The following CNTNAP2 variants were observed in gnomAD, a reference collection of about 807,000 sequenced individuals.
CNTNAP2 encodes the protein contactin-associated protein-like 2.
In CNTNAP2, 98 loss-of-function variants were observed where a neutral mutation model predicts 155.2. The ratio of observed to expected loss-of-function variants is 0.63; its 90% CI spans 0.54 to 0.75. CNTNAP2 has a LOEUF of 0.75. CNTNAP2 is among the 30% of genes least tolerant of loss of function. The probability of loss-of-function intolerance (pLI) is 0.00; values close to 1 mark genes in which losing one functional copy is unlikely to be tolerated. For synonymous variants in CNTNAP2, 651 were observed against 631.2 expected (o/e 1.03, Z -0.47); for missense variants, 1,727 against 1,688.1 (o/e 1.02, Z -0.40).
intron 13 of CNTNAP2, among the ~76,000 whole-genome samples, chr7:147,734,566 G>A (rs189850767): frequency 3.4e-4 from 52 of 152,240 alleles, no homozygotes; most frequent in African/African-American, 1.1e-3. Context: ...TTTTTCTATT[G>A]ATTGGAATAG....
chr7:146,203,124 TG>T (rs67419899), intron 1 of CNTNAP2, among the ~76,000 whole-genome samples: 3,305 of 152,274 alleles, frequency 0.022, 106 homozygotes, highest in African/African-American at 0.074. Context: ...CAAGTGAGCT[TG>T]GGTTTTCCCA....
chr7:148,364,114 G>A (rs952897038), intron 21 of CNTNAP2, among the ~76,000 whole-genome samples: 4 of 152,164 alleles, frequency 2.6e-5, no homozygotes, highest in African/African-American at 7.2e-5. Context: ...GCTCCTGTGC[G>A]GCCCGAGCCT....
chr7:147,003,385 A>T (rs549179974), intron 3 of CNTNAP2, among the ~76,000 whole-genome samples: 1 of 152,196 alleles, frequency 6.6e-6, no homozygotes, highest in South Asian at 2.1e-4. Context: ...ACAAAAAGCG[A>T]GAAAAAAATA....
chr7:146,670,689 A>G (rs1232469091), intron 1 of CNTNAP2, among the ~76,000 whole-genome samples: 1 of 152,050 alleles, frequency 6.6e-6, no homozygotes, highest in Non-Finnish European at 1.5e-5. Context: ...TGATCCCATC[A>G]CTCTCAATTA....
chr7:147,335,722 A>T (rs1795653410), intron 9 of CNTNAP2, among the ~76,000 whole-genome samples: 1 of 152,164 alleles, frequency 6.6e-6, no homozygotes, highest in South Asian at 2.1e-4. Flanking sequence ...TTTTCTTAGA[A>T]ATCAAACCCA....
At chr7:148,035,552 T>C (rs577481229) in intron 15 of CNTNAP2, among the ~76,000 whole-genome samples, 2 of 152,334 alleles carry the variant, frequency 1.3e-5, no homozygotes, top group African/African-American at 4.8e-5. Context: ...TATATGGTGC[T>C]TATTTTGTAG....
At chr7:147,477,524 C>T (rs968336353) in intron 10 of CNTNAP2, among the ~76,000 whole-genome samples, 1 of 152,224 alleles carries the variant, frequency 6.6e-6, no homozygotes, top group Admixed American at 6.5e-5. Flanking sequence ...CCTTTCCTGT[C>T]TATCCTGCAC....
chr7:147,570,820 T>A (rs1720425238), intron 12 of CNTNAP2, among the ~76,000 whole-genome samples: 1 of 152,238 alleles, frequency 6.6e-6, no homozygotes, highest in Non-Finnish European at 1.5e-5. Context: ...ACCGTGTGTA[T>A]GTGTATGTGC....
chr7:146,123,562 G>T (rs1346123724), intron 1 of CNTNAP2, among the ~76,000 whole-genome samples: 1 of 152,092 alleles, frequency 6.6e-6, no homozygotes, highest in Non-Finnish European at 1.5e-5. Flanking sequence ...GGAAGGATTT[G>T]TTCACCTCTA....
At chr7:147,060,427 T>C (rs774335048) in intron 4 of CNTNAP2, among the ~76,000 whole-genome samples, 4 of 152,146 alleles carry the variant, frequency 2.6e-5, no homozygotes, top group Non-Finnish European at 5.9e-5. Flanking sequence ...AGCAGTTTGA[T>C]TTCAAAATGT....
At chr7:147,867,329 A>T (rs1486654297) in intron 13 of CNTNAP2, among the ~76,000 whole-genome samples, 1 of 152,196 alleles carries the variant, frequency 6.6e-6, no homozygotes, top group African/African-American at 2.4e-5. Flanking sequence ...TGTTTGTCTG[A>T]TGGGCTTCCC....
intron 1 of CNTNAP2, among the ~76,000 whole-genome samples, chr7:146,440,810 T>A (rs991287951): frequency 4.0e-5 from 6 of 151,662 alleles, no homozygotes; most frequent in African/African-American, 1.5e-4. Context: ...CTGATTAAGT[T>A]ATAATTATTA....
chr7:146,728,431 C>T (rs1236025951), intron 1 of CNTNAP2, among the ~76,000 whole-genome samples: 1 of 152,052 alleles, frequency 6.6e-6, no homozygotes, highest in Non-Finnish European at 1.5e-5. Context: ...GTCATTGGCA[C>T]TTACTGGTTT....
At chr7:147,758,671 C>G (rs138660995) in intron 13 of CNTNAP2, among the ~76,000 whole-genome samples, 1,866 of 152,156 alleles carry the variant, frequency 0.012, 32 homozygotes, top group African/African-American at 0.043. Flanking sequence ...TGGTGAAACC[C>G]CATCTCTACA....
intron 21 of CNTNAP2, among the ~76,000 whole-genome samples, chr7:148,314,623 C>T (rs1027625866): frequency 1.2e-4 from 18 of 151,796 alleles, no homozygotes; most frequent in African/African-American, 9.7e-5. Context: ...CCTAGAAAAG[C>T]GGTACTTGCC....
chr7:148,237,661 T>C (rs1330790735), intron 20 of CNTNAP2, among the ~76,000 whole-genome samples: 2 of 152,198 alleles, frequency 1.3e-5, no homozygotes, highest in Non-Finnish European at 1.5e-5. Context: ...CATTTATGAA[T>C]ATTGAATGCT....
intron 4 of CNTNAP2, among the ~76,000 whole-genome samples, chr7:147,047,918 G>T (rs1307171774): frequency 6.6e-6 from 1 of 152,086 alleles, no homozygotes; most frequent in Non-Finnish European, 1.5e-5. Context: ...AAGTAACTTA[G>T]CAACACAAAA....
intron 13 of CNTNAP2, among the ~76,000 whole-genome samples, chr7:147,855,704 C>T (rs1799024240): frequency 6.6e-6 from 1 of 152,070 alleles, no homozygotes; most frequent in Admixed American, 6.6e-5. Flanking sequence ...CTCTATTTTC[C>T]TATTGCAACA....
intron 11 of CNTNAP2, among the ~76,000 whole-genome samples, chr7:147,531,264 C>T (rs1799426792): frequency 6.6e-6 from 1 of 152,186 alleles, no homozygotes; most frequent in South Asian, 2.1e-4. Context: ...CTTACAGCTC[C>T]ACTAGGCAGT....
Sources: gnomAD v4.1 joint callset for allele counts (sites outside exome capture counted in the v4.1 genomes callset) on GRCh38, gnomAD v4.1.1 for gene constraint, MANE v1.5 for transcripts, NCBI Gene and HGNC (gene_info 2026-07-23, HGNC 2026-07-21) for gene names.